Variants in SLC8A3 observed in about 807,000 individuals in gnomAD.
The protein encoded by SLC8A3 is sodium/calcium exchanger 3.
Under a neutral mutation model 65.4 loss-of-function variants are expected in SLC8A3, and 37 were observed. The observed-to-expected ratio is 0.57, with a 90% CI of 0.44 to 0.74. The LOEUF is 0.74. Ranked by LOEUF, SLC8A3 falls within the 30% of genes least tolerant of loss-of-function variation. The pLI is 0.00. For missense variants in SLC8A3, 1,112 were observed against 1,172.1 expected (o/e 0.95, Z 0.75); for synonymous variants, 461 against 444.5 (o/e 1.04, Z -0.47).
At chr14:70,149,241 T>C (rs1896115163) in intron 2 of SLC8A3, among the ~76,000 whole-genome samples, 1 of 152,076 alleles carries the variant, frequency 6.6e-6, no homozygotes, top group Non-Finnish European at 1.5e-5. Flanking sequence ...AATATAGGGA[T>C]GAAAAAGAAA....
intron 2 of SLC8A3, among the ~76,000 whole-genome samples, chr14:70,071,347 A>T (rs1427198738): frequency 6.6e-6 from 1 of 152,200 alleles, no homozygotes; most frequent in African/African-American, 2.4e-5. Context: ...GGTGGGCCTG[A>T]TTGAATCGCA....
chr14:70,052,563 C>G (rs1436871593), intron 3 of SLC8A3, among the ~76,000 whole-genome samples: 2 of 152,024 alleles, frequency 1.3e-5, no homozygotes, highest in Admixed American at 1.3e-4. Context: ...TTCACAGCAT[C>G]TTGACTCATT....
chr14:70,055,830 A>G (rs773069170), intron 3 of SLC8A3: 1 of 1,608,820 alleles, frequency 6.2e-7, no homozygotes, highest in Non-Finnish European at 8.5e-7. Context: ...GCAAATGGAT[A>G]CCAGAAAAAT....
At chr14:70,149,972 CT>C (rs1896161327) in intron 2 of SLC8A3, among the ~76,000 whole-genome samples, 1 of 152,194 alleles carries the variant, frequency 6.6e-6, no homozygotes, top group East Asian at 1.9e-4. Context: ...ACATTTCCCT[CT>C]ACCTTCCTCC....
chr14:70,168,087 C>T lies in SLC8A3; in HGVS notation c.336G>A (p.Val112=), dbSNP rs761031312. The T allele has an allele frequency of 4.3e-6, 7 of 1,613,992 alleles. No homozygotes were observed. The East Asian group carries it at 6.7e-5, about 15-fold the overall frequency. ...IEVITSQERE[V]TIKKPNGETS... ...TTTCTCCATTGGGTTTCTTAATTGT[C>T]ACCTCCCTCTCTTGAGAGGTGATGA... The change falls in exon 2 of 7, where the codon GTG becomes GTA. Residue 112 remains valine (V), a synonymous_variant. Coordinates refer to ENST00000356921, the MANE Select transcript of SLC8A3 (RefSeq NM_182932.3).
Position 70,091,631 on chromosome 14 carries a change from C to G in SLC8A3, c.1785-30692G>C, listed in dbSNP as rs190910286. Among the ~76,000 whole-genome samples, 481 of 152,290 alleles carry G rather than the reference C, an allele frequency of 3.2e-3. 1 individual carries two copies. Among genetic ancestry groups the G allele is most frequent in the Non-Finnish European group, 4.7e-3 (318 of 68,032 alleles). ...CACGCACCCCTCCCTTGAATCCTAACAGGGAAGCTTGGTGCTTTTGATCAT... is the reference window on the plus strand; with the variant it reads ...CACGCACCCCTCCCTTGAATCCTAAGAGGGAAGCTTGGTGCTTTTGATCAT... On this transcript the variant is annotated intron_variant, in intron 2 of 6. Transcript: ENST00000356921.
chr14:70,146,523 C>T (rs1007983835), intron 2 of SLC8A3, among the ~76,000 whole-genome samples: 1 of 152,080 alleles, frequency 6.6e-6, no homozygotes, highest in Non-Finnish European at 1.5e-5. Context: ...TTCAGCTCTT[C>T]TATCTATTCA....
intron 1 of SLC8A3, among the ~76,000 whole-genome samples, chr14:70,169,680 A>G (rs1027642625): frequency 4.4e-4 from 52 of 117,838 alleles, no homozygotes; most frequent in African/African-American, 1.6e-3. Flanking sequence ...ATAGCTAAAA[A>G]AAAAAAAAAG....
chr14:70,170,380 G>C (rs1160365669), intron 1 of SLC8A3, among the ~76,000 whole-genome samples: 1 of 152,126 alleles, frequency 6.6e-6, no homozygotes, highest in Non-Finnish European at 1.5e-5. Context: ...TTTGAAATGA[G>C]GGTTTCTTCT....
intron 2 of SLC8A3, among the ~76,000 whole-genome samples, chr14:70,138,869 T>TAAGCAAAG (rs1270935658): frequency 2.6e-5 from 4 of 152,178 alleles, no homozygotes; most frequent in Non-Finnish European, 5.9e-5. Flanking sequence ...AGACACCTTG[T>TAAGCAAAG]AGGTTAAGCA....
intron 2 of SLC8A3, among the ~76,000 whole-genome samples, chr14:70,152,101 G>T (rs1566814457): frequency 6.6e-6 from 1 of 152,108 alleles, no homozygotes; most frequent in Non-Finnish European, 1.5e-5. Flanking sequence ...AAGAATTTGG[G>T]TTCCTCAAAA....
chr14:70,058,466 C>G (rs1888410824), intron 3 of SLC8A3, among the ~76,000 whole-genome samples: 1 of 152,198 alleles, frequency 6.6e-6, no homozygotes, highest in South Asian at 2.1e-4. Context: ...CTTCTTGGCA[C>G]TCTTCATCTT....
Position 70,174,482 on chromosome 14 carries a change from T to A in SLC8A3, c.-62-5998A>T, listed in dbSNP as rs542146392. On this transcript the variant is annotated intron_variant, in intron 1 of 6. Coordinates refer to ENST00000356921, the MANE Select transcript of SLC8A3 (RefSeq NM_182932.3). ...AAGAAGTGAAGGGACACATTTTATG[T>A]TAGATGGGCCCAGAGCCACGTGAAA... Among the ~76,000 whole-genome samples the A allele has an allele frequency of 8.6e-5, 13 of 151,946 alleles. 1 individual carries two copies. The highest frequency in any genetic ancestry group is 3.1e-4 in the African/African-American group (13 of 41,422).
chr14:70,144,572 T>C (rs1344121424), intron 2 of SLC8A3, among the ~76,000 whole-genome samples: 2 of 148,646 alleles, frequency 1.3e-5, no homozygotes, highest in African/African-American at 5.0e-5. Flanking sequence ...GAGGTTGCAA[T>C]GAGCAGAGAT....
chr14:70,067,593 G>A (rs529907175), intron 2 of SLC8A3, among the ~76,000 whole-genome samples: 5 of 152,260 alleles, frequency 3.3e-5, no homozygotes, highest in African/African-American at 7.2e-5. Context: ...TTGAGACTTC[G>A]TAAAATGAAT....
intron 2 of SLC8A3, among the ~76,000 whole-genome samples, chr14:70,112,313 T>A (rs1893361688): frequency 6.6e-6 from 1 of 152,076 alleles, no homozygotes; most frequent in African/African-American, 2.4e-5. Flanking sequence ...ATAAATCACC[T>A]CTTGAGGACG....
Position 70,155,652 on chromosome 14 carries a change from T to C in SLC8A3, c.1784+10987A>G, listed in dbSNP as rs576500853. ...CATACAAATATTAGAAGTTTTATTA[T>C]GTAAGAAACATAACAACAATAGTAA... On this transcript the variant is annotated intron_variant, in intron 2 of 6. Coordinates refer to ENST00000356921, the MANE Select transcript of SLC8A3 (RefSeq NM_182932.3). Among the ~76,000 whole-genome samples, 6 of 152,376 alleles carry C rather than the reference T, an allele frequency of 3.9e-5. No individual in the cohort carries two copies. The South Asian group carries it at 1.0e-3, about 26-fold the overall frequency.
At chr14:70,051,291 C>T (rs1887478541) in intron 4 of SLC8A3, among the ~76,000 whole-genome samples, 184 bp from the exon 5 acceptor site, 1 of 152,008 alleles carries the variant, frequency 6.6e-6, no homozygotes, top group Non-Finnish European at 1.5e-5. Context: ...TGGTTGTAAT[C>T]TTTTTGTTTT....
Position 70,052,201 on chromosome 14 carries a change from G to A in SLC8A3, c.1889-87C>T, listed in dbSNP as rs919801652. ...TCAGAGTATTAGGCATGGGCAGTGG[G>A]TACAAAGCAAATAACTCTTGGGAAT... On this transcript the variant is annotated intron_variant, in intron 3 of 6. Transcript: ENST00000356921. 3.4e-6 allele frequency: 5 copies of A among 1,452,770 alleles called. No individual in the cohort carries two copies. In the African/African-American group the frequency reaches 7.2e-5, roughly 21 times the overall value. 90.0% of individuals were successfully genotyped at this position (1,452,770 alleles called of 1,614,324 possible).
Sources: gnomAD v4.1 joint callset for allele counts (sites outside exome capture counted in the v4.1 genomes callset) on GRCh38, gnomAD v4.1.1 for gene constraint, MANE v1.5 for transcripts, NCBI Gene and HGNC (gene_info 2026-07-23, HGNC 2026-07-21) for gene names.